Variants in UBE2U observed in about 807,000 individuals in gnomAD.
The protein encoded by UBE2U is ubiquitin-conjugating enzyme E2 U.
In UBE2U, 39 loss-of-function variants were observed where a neutral mutation model predicts 41.2. The ratio of observed to expected loss-of-function variants is 0.95; its 90% CI spans 0.73 to 1.24. The LOEUF is 1.24. Among genes scored for constraint, UBE2U ranks in the 50% most tolerant of loss-of-function variants. The probability of loss-of-function intolerance (pLI) is 0.00; values close to 1 mark genes in which losing one functional copy is unlikely to be tolerated. For synonymous variants in UBE2U, 107 were observed against 117.8 expected (o/e 0.91, Z 0.60); for missense variants, 336 against 363.1 (o/e 0.93, Z 0.61).
At position 64,210,750 on chromosome 1, in the gene UBE2U, C is replaced by A; in HGVS notation, c.250C>A (p.His84Asn). The A allele has an allele frequency of 6.4e-7, 1 of 1,571,438 alleles. No individual in the cohort carries two copies. Among genetic ancestry groups the A allele is most frequent in the Non-Finnish European group, 8.6e-7 (1 of 1,157,866 alleles). Residue 84 changes from histidine (H) to asparagine (N), a missense_variant, in exon 4 of 10, where the codon CAC (histidine) becomes AAC (asparagine). His to Asn is a moderately conservative substitution (Grantham distance 68). Transcript: ENST00000371077. ...TIPFHPNVDPHTGQPCIDFLD... is the reference protein window; with the variant it reads ...TIPFHPNVDPNTGQPCIDFLD... ...GTATTATTTTAATACAGTAGACCCA[C>A]ACACTGGTCAGCCCTGTATAGACTT...
chr1:64,217,800 A>C (rs901021611), intron 5 of UBE2U, among the ~76,000 whole-genome samples: 2 of 152,218 alleles, frequency 1.3e-5, no homozygotes, highest in African/African-American at 4.8e-5. Context: ...GAATATAGAA[A>C]TATTAGGGAG....
intron 7 of UBE2U, among the ~76,000 whole-genome samples, chr1:64,239,122 A>AG (rs1491545001): frequency 0.11 from 2,518 of 23,522 alleles, 132 homozygotes; most frequent in East Asian, 0.31. Flanking sequence ...AAGAAGAAGA[A>AG]GAAGAAGAAG....
intron 7 of UBE2U, among the ~76,000 whole-genome samples, chr1:64,241,254 A>G (rs1644829922): frequency 6.6e-6 from 1 of 152,256 alleles, no homozygotes; most frequent in Middle Eastern, 3.4e-3. Flanking sequence ...TCTGCTTAAG[A>G]TTGTCCTGCT....
intron 8 of UBE2U, among the ~76,000 whole-genome samples, chr1:64,242,638 A>G (rs1644854921): frequency 6.6e-6 from 1 of 151,932 alleles, no homozygotes; most frequent in Non-Finnish European, 1.5e-5. Flanking sequence ...CTATCCTTTA[A>G]CATCATATAG....
intron 3 of UBE2U, among the ~76,000 whole-genome samples, chr1:64,209,378 A>G (rs1651521960): frequency 6.6e-6 from 1 of 152,084 alleles, no homozygotes; most frequent in Non-Finnish European, 1.5e-5. Flanking sequence ...GAGATGAAGG[A>G]AAGAATTGAG....
chr1:64,239,157 A>AAGAAGAAGGAGAAGAAGAAGGAGAAG lies in UBE2U; in HGVS notation c.596-2494_596-2493insGAAGAAGGAGAAGAAGAAGGAGAAGA. 2.7e-4 allele frequency among the ~76,000 whole-genome samples: 10 copies of AAGAAGAAGGAGAAGAAGAAGGAGAAG among 37,064 alleles called. 1 individual carries two copies. The highest frequency in any genetic ancestry group is 7.6e-4 in the African/African-American group (9 of 11,812). The allele number at this position is 37,064 out of a possible 152,430, so 24.3% of individuals were successfully genotyped here. On this transcript the variant is annotated intron_variant, in intron 7 of 9. Transcript: ENST00000371077. The stretch of plus-strand genomic sequence containing the variant: ...GAAGAAGAAGAAGAAGAAGAAGAAG[A>AAGAAGAAGGAGAAGAAGAAGGAGAAG]AAGAAGAAGAAGAAGAAGAAGAAGA...
chr1:64,258,649 A>G (rs933034573), intron 8 of UBE2U, among the ~76,000 whole-genome samples: 1 of 152,028 alleles, frequency 6.6e-6, no homozygotes, highest in Non-Finnish European at 1.5e-5. Context: ...AAGGACATGA[A>G]CTCATCCTTT....
chr1:64,215,875 A>G (rs535442812), intron 5 of UBE2U, among the ~76,000 whole-genome samples: 1 of 152,286 alleles, frequency 6.6e-6, no homozygotes, highest in African/African-American at 2.4e-5. Context: ...TCTTGTGCAC[A>G]GAAGGGTTTC....
intron 7 of UBE2U, among the ~76,000 whole-genome samples, chr1:64,233,471 T>A (rs959054683): frequency 6.6e-6 from 1 of 152,194 alleles, no homozygotes; most frequent in Non-Finnish European, 1.5e-5. Flanking sequence ...AGAAAGATAG[T>A]CAATTGGAGG....
intron 6 of UBE2U, among the ~76,000 whole-genome samples, chr1:64,228,268 C>G (rs1653014689): frequency 6.6e-6 from 1 of 152,144 alleles, no homozygotes; most frequent in South Asian, 2.1e-4. Context: ...CCATCAGGCT[C>G]TAATTTAGAG....
intron 8 of UBE2U, among the ~76,000 whole-genome samples, chr1:64,246,398 A>G (rs825195): frequency 0.012 from 1,825 of 152,236 alleles, 27 homozygotes; most frequent in African/African-American, 0.042. Context: ...CTTTTAATAT[A>G]TGTTCGTGTT....
At chr1:64,253,023 A>G (rs995083981) in intron 8 of UBE2U, among the ~76,000 whole-genome samples, 2 of 152,214 alleles carry the variant, frequency 1.3e-5, no homozygotes, top group Non-Finnish European at 1.5e-5. Context: ...ATGATAAAAC[A>G]ATACAGAAGA....
At chr1:64,248,332 C>T (rs544609412) in intron 8 of UBE2U, among the ~76,000 whole-genome samples, 48 of 152,094 alleles carry the variant, frequency 3.2e-4, no homozygotes, top group Middle Eastern at 6.8e-3. Context: ...GGGCTATATT[C>T]CCCAGAGTCA....
chr1:64,232,466 CA>C, intron 6 of UBE2U, 94 bp from the exon 7 acceptor site: 1 of 766,634 alleles, frequency 1.3e-6, no homozygotes, highest in Non-Finnish European at 2.0e-6. Flanking sequence ...TATCTTGTGA[CA>C]AGATATTATG....
At chr1:64,222,067 G>C (rs1280364928) in intron 6 of UBE2U, among the ~76,000 whole-genome samples, 3 of 145,606 alleles carry the variant, frequency 2.1e-5, no homozygotes, top group Non-Finnish European at 3.0e-5. Flanking sequence ...ACTCCAGCCT[G>C]GGCGACAGAG....
At position 64,206,726 on chromosome 1, in the gene UBE2U, A is replaced by T. The variant is rs761536704; in HGVS notation, c.149-38A>T. Reference sequence around the variant, plus strand: ...ATCAGGTTACAGTTAATCAATAAACATGACACTTTAGTAAAAATGTTTATT... The same window carrying T: ...ATCAGGTTACAGTTAATCAATAAACTTGACACTTTAGTAAAAATGTTTATT... On this transcript the variant is annotated intron_variant, in intron 2 of 9. Transcript: ENST00000371077. 2.4e-6 allele frequency: 3 copies of T among 1,257,634 alleles called. No individual in the cohort carries two copies. The South Asian group carries it at 3.8e-5, about 16-fold the overall frequency. 77.9% of individuals were successfully genotyped at this position (1,257,634 alleles called of 1,614,324 possible). A position where few individuals can be genotyped will look rare whatever the true frequency, so the allele number is the denominator to read the frequency against.
intron 5 of UBE2U, among the ~76,000 whole-genome samples, chr1:64,215,730 C>A (rs1050703245): frequency 6.6e-6 from 1 of 152,192 alleles, no homozygotes; most frequent in South Asian, 2.1e-4. Flanking sequence ...TCTTTCTGCT[C>A]CACTGAGCAG....
Position 64,203,749 on chromosome 1 carries a change from C to G in UBE2U, c.-302C>G, listed in dbSNP as rs1349234144. 6.8e-6 allele frequency: 2 copies of G among 294,598 alleles called. No individual in the cohort carries two copies. The highest frequency in any genetic ancestry group is 5.0e-5 in the Admixed American group (1 of 19,864). The allele number at this position is 294,598 out of a possible 1,614,324, so 18.2% of individuals were successfully genotyped here. A position where few individuals can be genotyped will look rare whatever the true frequency, so the allele number is the denominator to read the frequency against. ...CGCGCCGACGACATGGGCTTGTCTC[C>G]GTTACTCATCCAAGTTTGTCTTGAG... On this transcript the variant is annotated 5_prime_UTR_variant, in exon 1 of 10. Transcript: ENST00000371077.
At chr1:64,244,317 A>T in intron 8 of UBE2U, 1 of 988,966 alleles carries the variant, frequency 1.0e-6, no homozygotes, top group Non-Finnish European at 1.2e-6. Context: ...TTCATTCGAG[A>T]TATAAATAAA....
Sources: gnomAD v4.1 joint callset for allele counts (sites outside exome capture counted in the v4.1 genomes callset) on GRCh38, gnomAD v4.1.1 for gene constraint, MANE v1.5 for transcripts, NCBI Gene and HGNC (gene_info 2026-07-23, HGNC 2026-07-21) for gene names.